The following GBP4 variants were observed in gnomAD, a reference collection of about 807,000 sequenced individuals.
GBP4 encodes guanylate-binding protein 4.
Under a neutral mutation model 62.2 loss-of-function variants are expected in GBP4, and 69 were observed. The observed-to-expected ratio is 1.11, with a 90% CI of 0.91 to 1.36. The LOEUF is 1.36. Ranked by LOEUF, GBP4 falls within the 40% of genes most tolerant of loss-of-function variation. The pLI, the probability that GBP4 is intolerant of heterozygous loss-of-function variation, is 0.00. For synonymous variants in GBP4, 278 were observed against 274.6 expected (o/e 1.01, Z -0.12); for missense variants, 697 against 759.3 (o/e 0.92, Z 0.96).
Position 89,186,387 on chromosome 1 carries a change from C to G in GBP4, c.1653G>C (p.Glu551Asp), listed in dbSNP as rs142011957. 2.7e-4 allele frequency: 409 copies of G among 1,499,380 alleles called. 1 individual carries two copies. In the African/African-American group the frequency reaches 5.0e-3, roughly 18 times the overall value. The allele number at this position is 1,499,380 out of a possible 1,614,324, so 92.9% of individuals were successfully genotyped here. A position where few individuals can be genotyped will look rare whatever the true frequency, so the allele number is the denominator to read the frequency against. ...YMAQMEKKLE[E>D]ERENLLREHE... ...GCTCTCTGAGAAGGTTTTCCCTTTC[C>G]TCCTCCAACTTCTTCTCCATTTGGG... The change falls in exon 10 of 11, where the codon GAG becomes GAC. Residue 551 changes from glutamate (E) to aspartate (D), a missense_variant. This residue lies in a region of GBP4 where 141 missense variants were observed against 196.6 expected (regional missense o/e 0.72). Coordinates refer to ENST00000355754, the MANE Select transcript of GBP4 (RefSeq NM_052941.5).
intron 1 of GBP4, 174 bp downstream of exon 1, chr1:89,198,621 A>T: frequency 1.5e-6 from 1 of 654,506 alleles, no homozygotes; most frequent in Non-Finnish European, 2.8e-6. Context: ...CACGGAGCAA[A>T]GCACTCAGGG....
intron 6 of GBP4, 59 bp downstream of exon 6, chr1:89,191,202 A>G (rs1648171798): frequency 7.0e-6 from 11 of 1,577,282 alleles, no homozygotes; most frequent in South Asian, 1.2e-5. Context: ...TGCAGTCATT[A>G]CAGCTTCAAC....
rs115555282 is a variant in GBP4, at chr1:89,189,642, A to G, written c.1197+396T>C. On this transcript the variant is annotated intron_variant, in intron 7 of 10. Coordinates refer to ENST00000355754, the MANE Select transcript of GBP4 (RefSeq NM_052941.5). ...AGGAATTCAGTGAAATTAGAAACATAAGGATTTCATGCATCATTGCTGACT... is the reference window on the plus strand; with the variant it reads ...AGGAATTCAGTGAAATTAGAAACATGAGGATTTCATGCATCATTGCTGACT... Among the ~76,000 whole-genome samples the G allele has an allele frequency of 8.6e-3, 1,307 of 152,344 alleles. 12 individuals are homozygous for G. The highest frequency in any genetic ancestry group is 0.037 in the Middle Eastern group (11 of 294).
intron 8 of GBP4, 94 bp from the exon 9 acceptor site, chr1:89,187,196 C>T (rs1007862537): frequency 8.2e-6 from 8 of 976,774 alleles, no homozygotes; most frequent in Admixed American, 8.0e-5. Context: ...CAAATCTAAC[C>T]CTGTAAACTT....
Position 89,198,912 on chromosome 1 carries a change from A to G in GBP4, c.-78T>C. 1 of 1,357,486 alleles carries G rather than the reference A, an allele frequency of 7.4e-7. No individual in the cohort carries two copies. The highest frequency in any genetic ancestry group is 1.1e-6 in the Non-Finnish European group (1 of 945,904). The allele number at this position is 1,357,486 out of a possible 1,614,324, so 84.1% of individuals were successfully genotyped here. On this transcript the variant is annotated 5_prime_UTR_variant, in exon 1 of 11. It removes an upstream start codon present in the reference 5' UTR. Coordinates refer to ENST00000355754, the MANE Select transcript of GBP4 (RefSeq NM_052941.5). ...TGAAAGTCCAGCCGGATTTACAGAC[A>G]TCCAAGTAAGAGTCTGTGAGAACCG... is the stretch of plus-strand genomic sequence containing the variant.
At position 89,198,852 on chromosome 1, in the gene GBP4, C is replaced by A. The variant is rs1165319986; in HGVS notation, c.-18G>T. 1 of 1,612,946 alleles carries A rather than the reference C, an allele frequency of 6.2e-7. No homozygotes were observed. The highest frequency in any genetic ancestry group is 8.5e-7 in the Non-Finnish European group (1 of 1,178,882). ...TCACCCATTGCTCTGTCCTCCTGCG[C>A]CTGGATCCTCGAGAAACGGACTGTT... On this transcript the variant is annotated 5_prime_UTR_variant, in exon 1 of 11. Transcript: ENST00000355754.
At chr1:89,192,862 C>G in intron 5 of GBP4, 42 bp downstream of exon 5, 1 of 1,579,726 alleles carries the variant, frequency 6.3e-7, no homozygotes, top group Non-Finnish European at 8.7e-7. Flanking sequence ...GTTGATCCTA[C>G]CCCCCACTGA....
chr1:89,198,026 G>A (rs1159084580), intron 1 of GBP4, among the ~76,000 whole-genome samples: 2 of 151,974 alleles, frequency 1.3e-5, no homozygotes, highest in African/African-American at 2.4e-5. Context: ...GAGGTTGGGG[G>A]GAGGGGTCTA....
chr1:89,190,119 T>C lies in GBP4; in HGVS notation c.1116A>G (p.Ala372=), dbSNP rs756055755. 6.2e-7 allele frequency: 1 copy of C among 1,614,188 alleles called. No homozygotes were observed. The highest frequency in any genetic ancestry group is 1.7e-5 in the Admixed American group (1 of 60,020). Reference sequence around the variant, plus strand: ...CTGCAATGGCTTCCCTCTCACAGGCTGCATGCACGTCCAGCAGCTCCTGGA... The same window carrying C: ...CTGCAATGGCTTCCCTCTCACAGGCCGCATGCACGTCCAGCAGCTCCTGGA... The part of the protein sequence containing the change: ...DTLQELLDVH[A]ACEREAIAVF... Residue 372 remains alanine, a synonymous_variant, in exon 7 of 11, where the codon GCA becomes GCG. Coordinates refer to ENST00000355754, the MANE Select transcript of GBP4 (RefSeq NM_052941.5).
At chr1:89,188,094 C>A (rs1374237786) in intron 8 of GBP4, among the ~76,000 whole-genome samples, 1 of 152,116 alleles carries the variant, frequency 6.6e-6, no homozygotes, top group East Asian at 1.9e-4. Context: ...ACCTAATTTA[C>A]ATTATTCCGA....
rs1647941586 is a variant in GBP4, at chr1:89,183,300, A to G, written c.*1954T>C. On this transcript the variant is annotated 3_prime_UTR_variant, in exon 11 of 11. Transcript: ENST00000355754. ...AAGCTGACAAAAACAAGCAATGGGG[A>G]AAGAAGTCCCCATTTAATAAATGGT... 1 of 152,222 alleles carries G rather than the reference A, an allele frequency of 6.6e-6. No homozygotes were observed. Among genetic ancestry groups the G allele is most frequent in the Non-Finnish European group, 1.5e-5 (1 of 68,048 alleles). The allele number at this position is 152,222 out of a possible 1,614,324, so 9.4% of individuals were successfully genotyped here.
chr1:89,188,296 T>C (rs910927530), intron 8 of GBP4, among the ~76,000 whole-genome samples: 3 of 152,208 alleles, frequency 2.0e-5, no homozygotes, highest in Non-Finnish European at 4.4e-5. Context: ...GTTTGCTTCA[T>C]AAGGTATCCT....
At chr1:89,186,608 T>G (rs932688717) in intron 9 of GBP4, 82 bp from the exon 10 acceptor site, 87 of 1,272,472 alleles carry the variant, frequency 6.8e-5, no homozygotes, top group Non-Finnish European at 4.1e-5. Context: ...TCAAACTGAC[T>G]CGGAGAAAAG....
At chr1:89,195,491 G>C (rs1026977632) in intron 2 of GBP4, 67 bp from the exon 3 acceptor site, 6 of 1,571,920 alleles carry the variant, frequency 3.8e-6, no homozygotes, top group Non-Finnish European at 4.4e-6. Context: ...GGATTACACC[G>C]GTTAAACTTG....
intron 10 of GBP4, among the ~76,000 whole-genome samples, chr1:89,186,044 G>T (rs1257092336): frequency 6.6e-6 from 1 of 152,158 alleles, no homozygotes; most frequent in African/African-American, 2.4e-5. Context: ...GTGGACTAAG[G>T]TCCTATTTCA....
rs1393189759 is a variant in GBP4, at chr1:89,181,706, T to TGAGA, written c.*3547_*3548insTCTC. ...TAGCCAATATGAGACACAGTCAGTT[T>TGAGA]CCCTAACTCTGTGCCAGCTCACTGT... On this transcript the variant is annotated 3_prime_UTR_variant, in exon 11 of 11. Coordinates refer to ENST00000355754, the MANE Select transcript of GBP4 (RefSeq NM_052941.5). 3 of 152,158 alleles carry TGAGA rather than the reference T, an allele frequency of 2.0e-5. No individual in the cohort carries two copies. Among genetic ancestry groups the TGAGA allele is most frequent in the African/African-American group, 7.2e-5 (3 of 41,426 alleles). 9.4% of individuals were successfully genotyped at this position (152,158 alleles called of 1,614,324 possible).
rs188809753 is a variant in GBP4, at chr1:89,186,521, G to A, written c.1519C>T (p.Arg507Trp). The change falls in exon 10 of 11, where the codon CGG becomes TGG. Residue 507 changes from arginine to tryptophan, a missense_variant. Arg to Trp is a moderately radical substitution (Grantham distance 101). Around this residue, in one of 2 missense-constraint regions of GBP4, gnomAD observed 141 missense variants for 196.6 expected, o/e 0.72. Transcript: ENST00000355754. ...TAGEKAIAAE[R>W]AMKEAAEKEQ... Reference sequence around the variant, plus strand: ...TTCTCAGCTGCTTCCTTCATGGCCCGCTCCGCTATTCCACAAAGGTTTTAG... The same window carrying A: ...TTCTCAGCTGCTTCCTTCATGGCCCACTCCGCTATTCCACAAAGGTTTTAG... The A allele has an allele frequency of 3.1e-4, 496 of 1,613,516 alleles. No individual in the cohort carries two copies. The highest frequency in any genetic ancestry group is 9.7e-4 in the Admixed American group (58 of 59,932).
intron 1 of GBP4, 63 bp from the exon 2 acceptor site, chr1:89,197,367 C>T: frequency 7.2e-7 from 1 of 1,388,692 alleles, no homozygotes; most frequent in Non-Finnish European, 9.9e-7. Flanking sequence ...TAAGGGCTAC[C>T]TAAGGCACAT....
Position 89,191,339 on chromosome 1 carries a change from A to T in GBP4, c.838T>A (p.Ser280Thr). ...ENLERHFLMQ[S>T]DNFCSYIFTH... ...AAGATATAAGAACAGAAGTTGTCTG[A>T]TTGCATAAGGAAATGCCTTTCCAGA... The change falls in exon 6 of 11, where the codon TCA becomes ACA. Residue 280 changes from serine (S) to threonine (T), a missense_variant. By Grantham distance (58) the Ser-to-Thr change is moderately conservative (BLOSUM62 1). This residue lies in a region of GBP4 where 556 missense variants were observed against 562.7 expected (regional missense o/e 0.99). Transcript: ENST00000355754. 2 of 1,614,224 alleles carry T rather than the reference A, an allele frequency of 1.2e-6. No homozygotes were observed. The highest frequency in any genetic ancestry group is 1.7e-6 in the Non-Finnish European group (2 of 1,180,022).
Sources: gnomAD v4.1 joint callset for allele counts (sites outside exome capture counted in the v4.1 genomes callset) on GRCh38, gnomAD v4.1.1 for gene constraint, gnomAD v4.1.1 regional missense constraint, MANE v1.5 for transcripts, NCBI Gene and HGNC (gene_info 2026-07-23, HGNC 2026-07-21) for gene names.